The following DOCK3 variants were observed in gnomAD, a reference collection of about 807,000 sequenced individuals.
DOCK3 encodes the protein dedicator of cytokinesis 3, also known as dedicator of cytokinesis protein 3.
A neutral mutation model predicts 265.6 loss-of-function variants in DOCK3; 60 were observed. The ratio of observed to expected loss-of-function variants is 0.23; its 90% confidence interval spans 0.18 to 0.28. The LOEUF is 0.28. Ranked by LOEUF, DOCK3 falls within the 10% of genes least tolerant of loss-of-function variation. The pLI is 1.00. For missense variants in DOCK3, 1,981 were observed against 2,594.3 expected, an observed-to-expected ratio of 0.76 and a Z score of 5.14; for synonymous variants, 881 against 938.0, an observed-to-expected ratio of 0.94 and a Z score of 1.11.
At chr3:50,738,491 A>G (rs895704577) in intron 1 of DOCK3, among the ~76,000 whole-genome samples, 4 of 152,166 alleles carry the variant, frequency 2.6e-5, no homozygotes, top group South Asian at 2.1e-4. Flanking sequence ...TTAGAAATCA[A>G]TGTCTGTGTT....
At chr3:51,243,319 A>G (rs2078692499) in intron 21 of DOCK3, among the ~76,000 whole-genome samples, 1 of 152,118 alleles carries the variant, frequency 6.6e-6, no homozygotes, top group South Asian at 2.1e-4. Flanking sequence ...GTGGTGGTTG[A>G]GGGCTCTCCT....
At chr3:51,335,146 A>G (rs2084777365) in intron 35 of DOCK3, among the ~76,000 whole-genome samples, 1 of 152,132 alleles carries the variant, frequency 6.6e-6, no homozygotes, top group Non-Finnish European at 1.5e-5. Context: ...AAGCATCCTC[A>G]TTCTTTTTAT....
chr3:50,858,112 G>T (rs1432732067), intron 3 of DOCK3, among the ~76,000 whole-genome samples: 1 of 152,270 alleles, frequency 6.6e-6, no homozygotes, highest in East Asian at 1.9e-4. Context: ...AAAAGGATGG[G>T]TTCATGTCCT....
chr3:50,978,513 C>CGAG (rs1370497505), intron 5 of DOCK3, among the ~76,000 whole-genome samples: 5 of 152,182 alleles, frequency 3.3e-5, no homozygotes, highest in Non-Finnish European at 5.9e-5. Context: ...CTCAGATCTC[C>CGAG]AGCTGCGTAC....
chr3:51,354,829 GT>G, intron 40 of DOCK3, 52 bp from the exon 41 acceptor site: 2 of 1,587,366 alleles, frequency 1.3e-6, no homozygotes, highest in Non-Finnish European at 8.6e-7. Context: ...CAGGGTGGAG[GT>G]GGGGGGCTAC....
chr3:51,007,406 G>A (rs984523271), intron 5 of DOCK3, among the ~76,000 whole-genome samples: 2 of 152,284 alleles, frequency 1.3e-5, no homozygotes, highest in East Asian at 1.9e-4. Flanking sequence ...GTGTCTGTTG[G>A]CTGCATAAAT....
At chr3:51,010,555 G>A (rs2078903765) in intron 5 of DOCK3, among the ~76,000 whole-genome samples, 1 of 151,938 alleles carries the variant, frequency 6.6e-6, no homozygotes, top group African/African-American at 2.4e-5. Flanking sequence ...CACACTGTTG[G>A]GTCTTGACTC....
chr3:51,248,382 A>G (rs1342746231), intron 22 of DOCK3, among the ~76,000 whole-genome samples: 1 of 152,092 alleles, frequency 6.6e-6, no homozygotes, highest in East Asian at 1.9e-4. Flanking sequence ...TTTGGTGGAG[A>G]CGGGGTTTCG....
chr3:50,798,262 A>T (rs969731116), intron 2 of DOCK3, among the ~76,000 whole-genome samples: 4 of 152,248 alleles, frequency 2.6e-5, no homozygotes, highest in Non-Finnish European at 5.9e-5. Context: ...GAGAAAAACC[A>T]GGTCTCGCTA....
At chr3:51,164,536 A>G (rs1180587546) in intron 12 of DOCK3, among the ~76,000 whole-genome samples, 1 of 149,824 alleles carries the variant, frequency 6.7e-6, no homozygotes, top group Admixed American at 6.7e-5. Flanking sequence ...AGGCAGGAGA[A>G]TGGCGTGAAC....
intron 5 of DOCK3, among the ~76,000 whole-genome samples, chr3:50,951,462 C>T (rs546046515): frequency 6.6e-6 from 1 of 152,224 alleles, no homozygotes; most frequent in East Asian, 1.9e-4. Context: ...TCTTTATGGA[C>T]TATGTCATGG....
chr3:51,123,204 C>T (rs1225844951), intron 9 of DOCK3, among the ~76,000 whole-genome samples: 1 of 152,166 alleles, frequency 6.6e-6, no homozygotes, highest in East Asian at 1.9e-4. Flanking sequence ...TAGCCCTGCC[C>T]ATGGTTTTCC....
intron 5 of DOCK3, among the ~76,000 whole-genome samples, chr3:50,994,324 C>A (rs2078207699): frequency 6.6e-6 from 1 of 152,154 alleles, no homozygotes; most frequent in Admixed American, 6.6e-5. Flanking sequence ...TTTCTATATT[C>A]TCTTTTACTT....
chr3:50,745,323 G>A (rs1157696077), intron 1 of DOCK3, among the ~76,000 whole-genome samples: 1 of 152,100 alleles, frequency 6.6e-6, no homozygotes, highest in African/African-American at 2.4e-5. Context: ...TGGGATGACA[G>A]GCTGAGCCAC....
intron 1 of DOCK3, among the ~76,000 whole-genome samples, chr3:50,717,017 C>G (rs1438907732): frequency 6.6e-6 from 1 of 152,102 alleles, no homozygotes; most frequent in Non-Finnish European, 1.5e-5. Context: ...ATTCACTGTT[C>G]AGCGAATTTC....
At chr3:51,300,443 T>C (rs552128854) in intron 27 of DOCK3, among the ~76,000 whole-genome samples, 1 of 152,286 alleles carries the variant, frequency 6.6e-6, no homozygotes, top group East Asian at 1.9e-4. Flanking sequence ...CTATGTTGAA[T>C]AGGAGTGGTG....
Position 51,227,458 on chromosome 3 carries a change from T to C in DOCK3, c.1540+13T>C, listed in dbSNP as rs372299775. 3.7e-6 allele frequency: 6 copies of C among 1,613,210 alleles called. No individual in the cohort carries two copies. The highest frequency in any genetic ancestry group is 2.2e-5 in the East Asian group (1 of 44,870). Reference sequence around the variant, plus strand: ...AGACATTGTTCCAGTGAGTTAGACTTCCCCCCCTCCACATTCCCTTGAGAA... The same window carrying C: ...AGACATTGTTCCAGTGAGTTAGACTCCCCCCCCTCCACATTCCCTTGAGAA... On this transcript the variant is annotated intron_variant, in intron 16 of 52. Coordinates refer to ENST00000266037, the MANE Select transcript of DOCK3 (RefSeq NM_004947.5).
intron 5 of DOCK3, among the ~76,000 whole-genome samples, chr3:51,041,080 T>C (rs1186858549): frequency 1.4e-5 from 2 of 146,718 alleles, no homozygotes; most frequent in African/African-American, 2.5e-5. Flanking sequence ...GAATAGTGAA[T>C]CCTTTCTAGA....
intron 7 of DOCK3, among the ~76,000 whole-genome samples, chr3:51,085,002 T>C (rs1487994515): frequency 1.3e-5 from 2 of 151,996 alleles, no homozygotes; most frequent in African/African-American, 2.4e-5. Flanking sequence ...TCCATGCAAA[T>C]AGAAACCTAA....
Sources: gnomAD v4.1 joint callset for allele counts (sites outside exome capture counted in the v4.1 genomes callset) on GRCh38, gnomAD v4.1.1 for gene constraint, MANE v1.5 for transcripts, NCBI Gene and HGNC (gene_info 2026-07-23, HGNC 2026-07-21) for gene names.